Variants in PCLO observed in about 807,000 individuals in gnomAD.
The protein encoded by PCLO is protein piccolo.
PCLO carries 82 observed loss-of-function variants against 427.5 expected under a neutral mutation model. That is an observed-to-expected ratio of 0.19 (90% CI 0.16 to 0.23). The LOEUF (loss-of-function observed/expected upper bound fraction) is 0.23, where lower values mean the gene tolerates loss of function less well. Among genes scored for constraint, PCLO ranks in the 10% least tolerant of loss-of-function variants. The pLI, the probability that PCLO is intolerant of heterozygous loss-of-function variation, is 1.00. For synonymous variants in PCLO, 2,357 were observed against 2,155.4 expected (o/e 1.09, Z -2.59); for missense variants, 6,239 against 6,115.9 (o/e 1.02, Z -0.67).
intron 3 of PCLO, among the ~76,000 whole-genome samples, chr7:82,995,344 T>C (rs545248377): frequency 1.3e-5 from 2 of 152,080 alleles, no homozygotes; most frequent in Admixed American, 6.6e-5. Context: ...AAAAGAGGAA[T>C]AGGCTTTTGC....
chr7:83,107,371 A>G (rs1332988517), intron 3 of PCLO, among the ~76,000 whole-genome samples: 1 of 152,160 alleles, frequency 6.6e-6, no homozygotes, highest in Non-Finnish European at 1.5e-5. Flanking sequence ...TATTTCACTT[A>G]AGTCCATCCC....
intron 3 of PCLO, among the ~76,000 whole-genome samples, chr7:83,076,293 G>A (rs1371660764): frequency 4.0e-5 from 6 of 150,380 alleles, no homozygotes; most frequent in Non-Finnish European, 8.9e-5. Context: ...TTTTTGAGAT[G>A]GACTTTTGCT....
chr7:82,804,512 T>C (rs6467912), intron 21 of PCLO, among the ~76,000 whole-genome samples: 69,045 of 151,902 alleles, frequency 0.45, 17,025 homozygotes, highest in East Asian at 0.85. Flanking sequence ...CAAAGAGAAA[T>C]AGACAATCCA....
intron 22 of PCLO, among the ~76,000 whole-genome samples, chr7:82,768,039 A>T (rs1356310388): frequency 6.6e-6 from 1 of 152,148 alleles, no homozygotes; most frequent in Non-Finnish European, 1.5e-5. Flanking sequence ...TGAAGATGAA[A>T]TCCAGACAAT....
intron 3 of PCLO, among the ~76,000 whole-genome samples, chr7:83,034,639 T>A (rs1002450127): frequency 3.3e-5 from 5 of 152,256 alleles, no homozygotes; most frequent in Non-Finnish European, 5.9e-5. Context: ...ATATTGGATG[T>A]ATCAATCTAA....
At chr7:82,876,649 T>C (rs1032906677) in intron 10 of PCLO, among the ~76,000 whole-genome samples, 1 of 152,130 alleles carries the variant, frequency 6.6e-6, no homozygotes, top group Non-Finnish European at 1.5e-5. Flanking sequence ...GGTATAACCT[T>C]TTTGAGGGCG....
At chr7:83,009,508 T>G (rs1788026709) in intron 3 of PCLO, among the ~76,000 whole-genome samples, 1 of 151,818 alleles carries the variant, frequency 6.6e-6, no homozygotes, top group Admixed American at 6.6e-5. Context: ...TAGCTTGCTT[T>G]TCAAAGAGAA....
At chr7:82,913,090 A>G (rs1784470359) in intron 7 of PCLO, among the ~76,000 whole-genome samples, 1 of 152,056 alleles carries the variant, frequency 6.6e-6, no homozygotes, top group Admixed American at 6.6e-5. Flanking sequence ...AATTCTTGCA[A>G]TGTACATTTA....
chr7:83,100,646 C>A lies in PCLO; in HGVS notation c.3300+33604G>T, dbSNP rs115534933. 3.9e-3 allele frequency among the ~76,000 whole-genome samples: 596 copies of A among 152,032 alleles called. 8 individuals are homozygous for A. The highest frequency in any genetic ancestry group is 0.014 in the African/African-American group (569 of 41,468). ...ATAGAGAGGAACAACACACAGGGGA[C>A]CTTTTTGGAGGATGGAGGGTGAGAG... On this transcript the variant is annotated intron_variant, in intron 3 of 24. Transcript: ENST00000333891.
Position 82,955,400 on chromosome 7 carries a change from G to T in PCLO, c.5553C>A (p.Leu1851=). ...AATATTCAGAACAAGAAGATCTATG[G>T]AGCTCCTCCATTTCTGCAGCCTGAC... ...ELRQAAEMEE[L]HRSSCSEYSP... Residue 1851 remains leucine, a synonymous_variant, in exon 5 of 25, where the codon CTC becomes CTA. Transcript: ENST00000333891. The T allele has an allele frequency of 6.2e-7, 1 of 1,613,806 alleles. No individual in the cohort carries two copies. The highest frequency in any genetic ancestry group is 1.3e-5 in the African/African-American group (1 of 75,012).
Position 82,996,480 on chromosome 7 carries a change from T to C in PCLO, c.3301-29993A>G, listed in dbSNP as rs373966878. ...CTAGGCTTTCTATCCAAATCCTTGATGCTTGGCAATAATCTTGTTAGCTCT... is the reference window on the plus strand; with the variant it reads ...CTAGGCTTTCTATCCAAATCCTTGACGCTTGGCAATAATCTTGTTAGCTCT... On this transcript the variant is annotated intron_variant, in intron 3 of 24. Transcript: ENST00000333891. Among the ~76,000 whole-genome samples, 118 of 152,152 alleles carry C rather than the reference T, an allele frequency of 7.8e-4. 1 individual carries two copies. The highest frequency in any genetic ancestry group is 2.6e-3 in the African/African-American group (110 of 41,528).
At chr7:82,799,894 GAGTATATC>G (rs1791307022) in intron 22 of PCLO, among the ~76,000 whole-genome samples, 1 of 152,044 alleles carries the variant, frequency 6.6e-6, no homozygotes, top group Admixed American at 6.6e-5. Flanking sequence ...CTTCTTTCAC[GAGTATATC>G]ATCAATTGCT....
rs1430270215 is a variant in PCLO at position 82,965,968 on chromosome 7, C to G, written c.3820G>C (p.Glu1274Gln). The G allele has an allele frequency of 6.2e-7, 1 of 1,613,826 alleles. No homozygotes were observed. Among genetic ancestry groups the G allele is most frequent in the Admixed American group, 1.7e-5 (1 of 59,984 alleles). The change falls in exon 4 of 25, where the codon GAA becomes CAA. Residue 1274 changes from glutamate (E) to glutamine (Q), a missense_variant. Coordinates refer to ENST00000333891, the MANE Select transcript of PCLO (RefSeq NM_033026.6). ...GGAGCCACTCTGCCTTCAAGCTTTTCTTCAGCAATTTGTACTTGAGATTTA... is the reference window on the plus strand; with the variant it reads ...GGAGCCACTCTGCCTTCAAGCTTTTGTTCAGCAATTTGTACTTGAGATTTA... ...LLKSQVQIAE[E>Q]KLEGRVAPKT...
At chr7:82,914,388 C>A in intron 7 of PCLO, 1 of 524,958 alleles carries the variant, frequency 1.9e-6, no homozygotes, top group South Asian at 3.1e-5. Context: ...ATAGGATGAC[C>A]ATATTTTATT....
intron 22 of PCLO, among the ~76,000 whole-genome samples, chr7:82,799,905 C>T (rs1010169397): frequency 5.3e-5 from 8 of 152,112 alleles, no homozygotes; most frequent in Non-Finnish European, 8.8e-5. Context: ...AGTATATCAT[C>T]AATTGCTAGT....
At chr7:82,988,083 A>T (rs940792962) in intron 3 of PCLO, among the ~76,000 whole-genome samples, 2 of 152,262 alleles carry the variant, frequency 1.3e-5, no homozygotes, top group Middle Eastern at 3.4e-3. Context: ...AATAGTTTAT[A>T]TAAAATTTAG....
At chr7:83,082,474 A>T (rs1276682654) in intron 3 of PCLO, among the ~76,000 whole-genome samples, 1 of 151,750 alleles carries the variant, frequency 6.6e-6, no homozygotes, top group Non-Finnish European at 1.5e-5. Context: ...AGAGAGTAGA[A>T]TTATGGTTAC....
At chr7:82,869,606 A>G (rs1159915152) in intron 10 of PCLO, among the ~76,000 whole-genome samples, 3 of 152,090 alleles carry the variant, frequency 2.0e-5, no homozygotes, top group African/African-American at 7.2e-5. Context: ...TGTTACAATT[A>G]AAACAGTGTG....
intron 3 of PCLO, among the ~76,000 whole-genome samples, chr7:83,114,793 G>A (rs897388894): frequency 6.6e-6 from 1 of 152,018 alleles, no homozygotes; most frequent in African/African-American, 2.4e-5. Flanking sequence ...GTAGCTTAGT[G>A]TCCTGATAAG....
Sources: allele counts gnomAD v4.1 joint callset (sites outside exome capture counted in the v4.1 genomes callset), GRCh38; gene constraint gnomAD v4.1.1; transcripts MANE v1.5; gene names NCBI Gene and HGNC (gene_info 2026-07-23, HGNC 2026-07-21).